Variants in SLC43A2 observed in about 807,000 individuals in gnomAD.
SLC43A2 encodes large neutral amino acids transporter small subunit 4.
In SLC43A2, 38 loss-of-function variants were observed where a neutral mutation model predicts 63.2. The observed-to-expected ratio is 0.60, with a 90% CI of 0.46 to 0.79. The LOEUF (loss-of-function observed/expected upper bound fraction) is 0.79, where lower values mean the gene tolerates loss of function less well. Ranked by LOEUF, SLC43A2 falls within the 30% of genes least tolerant of loss-of-function variation. SLC43A2 has a pLI of 0.00. For missense variants in SLC43A2, 644 were observed against 756.2 expected (o/e 0.85, Z 1.74); for synonymous variants, 322 against 331.0 (o/e 0.97, Z 0.30).
At chr17:1,601,915 C>T (rs1906071765) in intron 5 of SLC43A2, among the ~76,000 whole-genome samples, 2 of 150,308 alleles carry the variant, frequency 1.3e-5, no homozygotes, top group Non-Finnish European at 3.0e-5. Flanking sequence ...TCCTTCTGCA[C>T]CGAGACTACC....
At chr17:1,600,134 G>T (rs1456999065) in intron 5 of SLC43A2, among the ~76,000 whole-genome samples, 1 of 31,196 alleles carries the variant, frequency 3.2e-5, no homozygotes, top group East Asian at 1.7e-3. Context: ...TATATTAATT[G>T]AATATATATA....
Position 1,591,326 on chromosome 17 carries a change from G to A in SLC43A2, c.874C>T (p.His292Tyr), listed in dbSNP as rs772012446. 3.7e-6 allele frequency: 6 copies of A among 1,608,976 alleles called. No individual in the cohort carries two copies. The Admixed American group carries it at 1.0e-4, about 27-fold the overall frequency. The change falls in exon 8 of 14, where the codon CAC becomes TAC. Residue 292 changes from histidine to tyrosine, a missense_variant. By Grantham distance (83) the His-to-Tyr change is moderately conservative (BLOSUM62 2). Around this residue, in one of 3 missense-constraint regions of SLC43A2, gnomAD observed 528 missense variants for 623.6 expected, o/e 0.85. Transcript: ENST00000301335. ...TCGACGGTGGACAGGCACAGCTTGTGGCCCTCCTGCAGCGCCACCTGCTCC... is the reference window on the plus strand; with the variant it reads ...TCGACGGTGGACAGGCACAGCTTGTAGCCCTCCTGCAGCGCCACCTGCTCC... ...AKEQVALQEG[H>Y]KLCLSTVDLE...
At chr17:1,594,735 C>T (rs1905129722) in intron 5 of SLC43A2, among the ~76,000 whole-genome samples, 2 of 151,316 alleles carry the variant, frequency 1.3e-5, no homozygotes, top group East Asian at 2.0e-4. Flanking sequence ...CTATAGGCGC[C>T]CGCCACCACA....
chr17:1,598,586 A>G (rs1471717735), intron 5 of SLC43A2, among the ~76,000 whole-genome samples: 1 of 152,196 alleles, frequency 6.6e-6, no homozygotes, highest in African/African-American at 2.4e-5. Context: ...CAACAGAGCT[A>G]GAGAATGTTC....
rs2076049506 is a variant in SLC43A2, at chr17:1,583,298, T to C, written c.1256A>G (p.Gln419Arg). Residue 419 changes from glutamine to arginine, a missense_variant, in exon 11 of 14, where the codon CAG (glutamine) becomes CGG (arginine). By Grantham distance (43) the Gln-to-Arg change is conservative. Around this residue, in one of 3 missense-constraint regions of SLC43A2, gnomAD observed 528 missense variants for 623.6 expected, o/e 0.85. Transcript: ENST00000301335. The surrounding 1 kb of genome is among the most constrained non-coding windows in gnomAD (Gnocchi z 5.5). ...GGCCCGCATGGCATTAGTGATCTTC[T>C]GGATCTGCCGGTCCCGCTTCTTCTT... Reference protein sequence around the residue: ...KKKKKRDRQIQKITNAMRAFA... With the variant: ...KKKKKRDRQIRKITNAMRAFA... 6.2e-7 allele frequency: 1 copy of C among 1,614,190 alleles called. No homozygotes were observed. Among genetic ancestry groups the C allele is most frequent in the East Asian group, 2.2e-5 (1 of 44,884 alleles).
rs2075831542 is a variant in SLC43A2, at chr17:1,570,525, CG to C, written c.*5078del. On this transcript the variant is annotated 3_prime_UTR_variant, in exon 14 of 14. Coordinates refer to ENST00000301335, the MANE Select transcript of SLC43A2 (RefSeq NM_152346.3). ...TTTTTGAGACGGAGTCTCGCTCTGTCGCCCAGGCTGGAGTGCAGTGGCGGGA... is the reference window on the plus strand; with the variant it reads ...TTTTTGAGACGGAGTCTCGCTCTGTCCCCAGGCTGGAGTGCAGTGGCGGGA... The C allele has an allele frequency of 6.9e-6, 1 of 145,042 alleles. No homozygotes were observed. Among genetic ancestry groups the C allele is most frequent in the African/African-American group, 2.6e-5 (1 of 38,740 alleles). 9.0% of individuals were successfully genotyped at this position (145,042 alleles called of 1,614,324 possible).
At position 1,583,502 on chromosome 17, in the gene SLC43A2, A is replaced by G. The variant is rs368268719; in HGVS notation, c.1218-166T>C. On this transcript the variant is annotated intron_variant, in intron 10 of 13. Transcript: ENST00000301335. This position sits in a 1 kb window ranked among gnomAD's most constrained non-coding sequence, Gnocchi z 5.5. ...TCGGGGCTGGACCAGCACTACGGAC[A>G]CTCCCCGGCCCTTCTCAGTGGCAAG... 288 of 1,204,418 alleles carry G rather than the reference A, an allele frequency of 2.4e-4. 6 individuals are homozygous for G. The South Asian group carries it at 4.5e-3, about 19-fold the overall frequency. The allele number at this position is 1,204,418 out of a possible 1,614,324, so 74.6% of individuals were successfully genotyped here.
At chr17:1,612,972 A>AG (rs113654174) in intron 5 of SLC43A2, among the ~76,000 whole-genome samples, 1,721 of 143,886 alleles carry the variant, frequency 0.012, 35 homozygotes, top group African/African-American at 0.04. Flanking sequence ...ACTCCGTCTC[A>AG]AAAAAAAAAA....
rs191737639 is a variant in SLC43A2 at position 1,594,733 on chromosome 17, G to T, written c.502-1454C>A. Among the ~76,000 whole-genome samples, 204 of 151,010 alleles carry T rather than the reference G, an allele frequency of 1.4e-3. 2 individuals are homozygous for T. The East Asian group carries it at 0.03, about 23-fold the overall frequency. On this transcript the variant is annotated intron_variant, in intron 5 of 13. Transcript: ENST00000301335. The stretch of plus-strand genomic sequence containing the variant: ...CTCCCGTGTAGCTGGGACTATAGGC[G>T]CCCGCCACCACACCCGGCTAATTTT...
chr17:1,627,564 G>T, intron 2 of SLC43A2, 151 bp downstream of exon 2: 1 of 745,080 alleles, frequency 1.3e-6, no homozygotes, highest in Non-Finnish European at 2.1e-6. Context: ...CAAGTACCCG[G>T]CAGGGCTGGG....
At chr17:1,627,691 C>A in intron 2 of SLC43A2, 24 bp downstream of exon 2, 1 of 1,498,252 alleles carries the variant, frequency 6.7e-7, no homozygotes, top group Non-Finnish European at 8.9e-7. Flanking sequence ...AGGAGCCCCC[C>A]GCAACCCCAG....
intron 13 of SLC43A2, 56 bp downstream of exon 13, chr17:1,576,541 G>C: frequency 6.5e-7 from 1 of 1,545,278 alleles, no homozygotes; most frequent in South Asian, 1.2e-5. Context: ...CTTGCAGCTC[G>C]CAGTTAGCAG....
intron 5 of SLC43A2, among the ~76,000 whole-genome samples, chr17:1,603,943 C>G (rs1197212487): frequency 6.6e-6 from 1 of 152,244 alleles, no homozygotes; most frequent in Non-Finnish European, 1.5e-5. Flanking sequence ...TCCTGTGGCT[C>G]CGGCCAATAC....
chr17:1,581,691 A>G (rs1317965658), intron 11 of SLC43A2, among the ~76,000 whole-genome samples: 2 of 152,202 alleles, frequency 1.3e-5, no homozygotes, highest in Non-Finnish European at 2.9e-5. Flanking sequence ...ACCTACTGCT[A>G]GACCACTTTC....
At chr17:1,604,662 C>A in intron 5 of SLC43A2, 2 of 1,468,640 alleles carry the variant, frequency 1.4e-6, no homozygotes, top group Non-Finnish European at 1.8e-6. Context: ...GGGGATACCA[C>A]AATGCCCAGT....
rs1257918566 is a variant in SLC43A2 at position 1,605,515 on chromosome 17, C to T, written c.501+7680G>A. ...TGGCACCCCCGGCCCTGACTTTCCA[C>T]ATCCACGGACTCCCGAGTCCTCCCT... On this transcript the variant is annotated intron_variant, in intron 5 of 13. Coordinates refer to ENST00000301335, the MANE Select transcript of SLC43A2 (RefSeq NM_152346.3). This position sits in a 1 kb window ranked among gnomAD's most constrained non-coding sequence, Gnocchi z 4.9. Among the ~76,000 whole-genome samples, 1 of 151,864 alleles carries T rather than the reference C, an allele frequency of 6.6e-6. No homozygotes were observed. Among genetic ancestry groups the T allele is most frequent in the Non-Finnish European group, 1.5e-5 (1 of 67,948 alleles).
At chr17:1,576,073 C>CTTTT (rs56013428) in intron 13 of SLC43A2, among the ~76,000 whole-genome samples, 7 of 81,522 alleles carry the variant, frequency 8.6e-5, no homozygotes, top group East Asian at 6.8e-4. Flanking sequence ...GAACTGTGTT[C>CTTTT]TTTTTTTTTT....
At chr17:1,609,468 C>T (rs1567639259) in intron 5 of SLC43A2, among the ~76,000 whole-genome samples, 1 of 152,194 alleles carries the variant, frequency 6.6e-6, no homozygotes, top group Non-Finnish European at 1.5e-5. Context: ...TCCCAAAGTG[C>T]TGGGATTACA....
chr17:1,606,626 C>T lies in SLC43A2; in HGVS notation c.501+6569G>A, dbSNP rs1224470702. On this transcript the variant is annotated intron_variant, in intron 5 of 13. Transcript: ENST00000301335. The surrounding 1 kb of genome is among the most constrained non-coding windows in gnomAD (Gnocchi z 4.7). ...TGGCGACCCCAAGATGCGGCCTCAG[C>T]CGCCGGCCGTGTTTGTGCTCCAGCC... is the stretch of plus-strand genomic sequence containing the variant. Among the ~76,000 whole-genome samples, 1 of 152,216 alleles carries T rather than the reference C, an allele frequency of 6.6e-6. No individual in the cohort carries two copies. Among genetic ancestry groups the T allele is most frequent in the African/African-American group, 2.4e-5 (1 of 41,454 alleles).
Sources: allele counts gnomAD v4.1 joint callset (sites outside exome capture counted in the v4.1 genomes callset), GRCh38; gene constraint gnomAD v4.1.1; regional missense constraint gnomAD v4.1.1; non-coding constraint Gnocchi (gnomAD v3.1); transcripts MANE v1.5; gene names NCBI Gene and HGNC (gene_info 2026-07-23, HGNC 2026-07-21).